The following STPG4 variants were observed in gnomAD, a reference collection of about 807,000 sequenced individuals.
STPG4 encodes the protein protein STPG4.
In STPG4, 41 loss-of-function variants were observed where a neutral mutation model predicts 31.5. That is an observed-to-expected ratio of 1.30 (90% CI 1.01 to 1.69). The LOEUF is 1.69. STPG4 is among the 40% of genes most tolerant of loss of function. The probability of loss-of-function intolerance (pLI) is 0.00; values close to 1 mark genes in which losing one functional copy is unlikely to be tolerated. For synonymous variants in STPG4, 141 were observed against 103.0 expected, an observed-to-expected ratio of 1.37 and a Z score of -2.24; for missense variants, 375 against 293.4, an observed-to-expected ratio of 1.28 and a Z score of -2.03.
At chr2:47,095,727 C>A (rs990878016) in intron 5 of STPG4, among the ~76,000 whole-genome samples, 5 of 152,198 alleles carry the variant, frequency 3.3e-5, no homozygotes, top group African/African-American at 9.7e-5. Context: ...AGTGTTAGAA[C>A]AATTTTTAAC....
intron 1 of STPG4, among the ~76,000 whole-genome samples, chr2:47,153,893 T>G (rs1354046127): frequency 1.3e-5 from 2 of 152,236 alleles, no homozygotes; most frequent in African/African-American, 2.4e-5. Context: ...GCTGATTATT[T>G]TGGTATTCCT....
At chr2:47,088,498 G>C (rs1685504724) in intron 6 of STPG4, among the ~76,000 whole-genome samples, 1 of 152,176 alleles carries the variant, frequency 6.6e-6, no homozygotes, top group Admixed American at 6.5e-5. Flanking sequence ...CCTGGGCATG[G>C]GCTTCCCATA....
chr2:47,136,990 G>A (rs898270998), intron 3 of STPG4, among the ~76,000 whole-genome samples: 1 of 151,932 alleles, frequency 6.6e-6, no homozygotes, highest in Admixed American at 6.6e-5. Context: ...TCCTTTTGTT[G>A]TCTTGTTCCA....
At chr2:47,141,654 G>C (rs1686710786) in intron 3 of STPG4, among the ~76,000 whole-genome samples, 1 of 151,490 alleles carries the variant, frequency 6.6e-6, no homozygotes, top group South Asian at 2.1e-4. Flanking sequence ...TTTCATCTTT[G>C]CTACATTATG....
chr2:47,128,535 C>T (rs557821514), intron 5 of STPG4, among the ~76,000 whole-genome samples: 2 of 152,198 alleles, frequency 1.3e-5, no homozygotes, highest in Admixed American at 1.3e-4. Context: ...TTTTTCCACT[C>T]GTCCCTCCCC....
intron 5 of STPG4, among the ~76,000 whole-genome samples, chr2:47,124,732 A>G (rs1323445455): frequency 6.6e-6 from 1 of 152,218 alleles, no homozygotes; most frequent in Middle Eastern, 3.2e-3. Context: ...GTGCTGCAAC[A>G]AACACCAGAT....
intron 5 of STPG4, among the ~76,000 whole-genome samples, 151 bp from the exon 6 acceptor site, chr2:47,090,525 C>T (rs1354583108): frequency 6.6e-6 from 1 of 152,196 alleles, no homozygotes; most frequent in Non-Finnish European, 1.5e-5. Context: ...AAGGTGTGAG[C>T]TGGGACAAGT....
intron 5 of STPG4, 95 bp downstream of exon 5, chr2:47,129,846 G>T (rs748496558): frequency 1.3e-6 from 2 of 1,497,800 alleles, no homozygotes; most frequent in Non-Finnish European, 1.8e-6. Context: ...ACGATCACTG[G>T]AGGGTTCTAT....
chr2:47,116,950 C>G (rs1304446839), intron 5 of STPG4, among the ~76,000 whole-genome samples: 1 of 152,166 alleles, frequency 6.6e-6, no homozygotes, highest in African/African-American at 2.4e-5. Flanking sequence ...GGCCCCTCAA[C>G]TAATGAATAC....
intron 5 of STPG4, among the ~76,000 whole-genome samples, chr2:47,123,205 TA>T (rs1373740655): frequency 2.0e-5 from 3 of 152,234 alleles, no homozygotes; most frequent in Non-Finnish European, 2.9e-5. Flanking sequence ...GCTATTTATC[TA>T]AAAGAGTTCA....
At chr2:47,154,016 T>G (rs987553427) in intron 1 of STPG4, among the ~76,000 whole-genome samples, 24 of 152,208 alleles carry the variant, frequency 1.6e-4, no homozygotes, top group African/African-American at 5.5e-4. Context: ...TTTAGTATAT[T>G]GCTGTTTGTC....
At chr2:47,119,945 G>A (rs1374006764) in intron 5 of STPG4, among the ~76,000 whole-genome samples, 1 of 152,156 alleles carries the variant, frequency 6.6e-6, no homozygotes, top group African/African-American at 2.4e-5. Context: ...AGCCTAAAAG[G>A]GTGACATTGC....
At chr2:47,105,809 G>A (rs557069568) in intron 5 of STPG4, among the ~76,000 whole-genome samples, 1 of 152,062 alleles carries the variant, frequency 6.6e-6, no homozygotes, top group Non-Finnish European at 1.5e-5. Flanking sequence ...TATACAGATA[G>A]CAAGTATGCT....
intron 1 of STPG4, among the ~76,000 whole-genome samples, 168 bp from the exon 2 acceptor site, chr2:47,153,184 G>T (rs1214327710): frequency 6.6e-6 from 1 of 152,136 alleles, no homozygotes; most frequent in African/African-American, 2.4e-5. Flanking sequence ...TCCTTAAATT[G>T]TTATTTTATG....
At chr2:47,123,395 C>G (rs1462455996) in intron 5 of STPG4, among the ~76,000 whole-genome samples, 3 of 152,208 alleles carry the variant, frequency 2.0e-5, no homozygotes, top group Admixed American at 6.5e-5. Flanking sequence ...AGTCACTTGC[C>G]TAGGTGCTAG....
At chr2:47,116,471 T>C (rs544551897) in intron 5 of STPG4, among the ~76,000 whole-genome samples, 1 of 152,352 alleles carries the variant, frequency 6.6e-6, no homozygotes, top group East Asian at 1.9e-4. Flanking sequence ...ATTCCCAACA[T>C]AGCAACTCTG....
intron 5 of STPG4, among the ~76,000 whole-genome samples, chr2:47,093,576 C>A (rs980187879): frequency 4.6e-5 from 7 of 152,170 alleles, no homozygotes; most frequent in African/African-American, 1.2e-4. Context: ...GAGCGACCTG[C>A]CCCTTTTCCC....
chr2:47,108,582 A>G lies in STPG4; in HGVS notation c.520-18208T>C, dbSNP rs188588338. 1.8e-5 allele frequency: 3 copies of G among 170,608 alleles called. No homozygotes were observed. In the East Asian group the frequency reaches 5.2e-4, roughly 30 times the overall value. The allele number at this position is 170,608 out of a possible 1,614,324, so 10.6% of individuals were successfully genotyped here. On this transcript the variant is annotated intron_variant, in intron 5 of 6. Coordinates refer to ENST00000445927, the MANE Select transcript of STPG4 (RefSeq NM_001163561.2). The stretch of plus-strand genomic sequence containing the variant: ...CCAAGAACCCACCAATTCCGGACAC[A>G]TTTTCATGCCTCTGTCCTGGAGATT...
At chr2:47,087,210 G>C in intron 6 of STPG4, 80 bp from the exon 7 acceptor site, 1 of 1,484,354 alleles carries the variant, frequency 6.7e-7, no homozygotes, top group Non-Finnish European at 9.1e-7. Flanking sequence ...CCACTGGCTT[G>C]GATGTGGTGG....
Sources: gnomAD v4.1 joint callset for allele counts (sites outside exome capture counted in the v4.1 genomes callset) on GRCh38, gnomAD v4.1.1 for gene constraint, MANE v1.5 for transcripts, NCBI Gene and HGNC (gene_info 2026-07-23, HGNC 2026-07-21) for gene names.